ITGB6: variants seen among roughly 807,000 people sequenced by gnomAD.
The protein encoded by ITGB6 is integrin subunit beta 6.
Under a neutral mutation model 84.5 loss-of-function variants are expected in ITGB6, and 80 were observed. The observed-to-expected ratio is 0.95, with a 90% CI of 0.79 to 1.14. ITGB6 has a LOEUF of 1.14. Ranked by LOEUF, ITGB6 falls within the 50% of genes most tolerant of loss-of-function variation. The pLI is 0.00. For synonymous variants in ITGB6, 383 were observed against 354.9 expected, an observed-to-expected ratio of 1.08 and a Z score of -0.89; for missense variants, 1,006 against 968.0, an observed-to-expected ratio of 1.04 and a Z score of -0.52.
chr2:160,142,861 A>ATGTT (rs1194296586), intron 7 of ITGB6, among the ~76,000 whole-genome samples: 1 of 152,186 alleles, frequency 6.6e-6, no homozygotes, highest in African/African-American at 2.4e-5. Context: ...CTGGAGTTTT[A>ATGTT]TGTTTTAAAT....
In ITGB6 at chr2:160,195,501, T is replaced by G. The variant is rs1020941015; in HGVS notation, c.461A>C (p.Glu154Ala). 103 of 1,614,042 alleles carry G rather than the reference T, an allele frequency of 6.4e-5. No homozygotes were observed. Among genetic ancestry groups the G allele is most frequent in the Non-Finnish European group, 8.4e-5 (99 of 1,180,004 alleles). The change falls in exon 4 of 15, where the codon GAG becomes GCG. Residue 154 changes from glutamate to alanine, a missense_variant. Physicochemically the swap from Glu to Ala is moderately radical, Grantham distance 107. Transcript: ENST00000283249. ...SMDDDLNTIK[E>A]LGSRLSKEMS... ...CTCTTTGGAAAGCCGGGAGCCCAGC[T>G]CCTTTATTGTGTTGAGGTCGTCATC...
chr2:160,156,075 C>T (rs1684611751), intron 7 of ITGB6, among the ~76,000 whole-genome samples: 7 of 152,206 alleles, frequency 4.6e-5, no homozygotes. Context: ...GAATGTATGA[C>T]TATTCCAAGA....
chr2:160,107,625 T>C (rs1696959452), intron 14 of ITGB6, 54 bp downstream of exon 14: 1 of 1,552,004 alleles, frequency 6.4e-7, no homozygotes, highest in African/African-American at 1.4e-5. Context: ...CCTCAATCTC[T>C]TCCACCAGCC....
At chr2:160,136,672 T>A (rs374653428) in intron 10 of ITGB6, among the ~76,000 whole-genome samples, 1 of 152,104 alleles carries the variant, frequency 6.6e-6, no homozygotes, top group Non-Finnish European at 1.5e-5. Context: ...CAATGATAGA[T>A]TGGATTAAGA....
intron 6 of ITGB6, 54 bp from the exon 7 acceptor site, chr2:160,169,361 G>A: frequency 9.7e-7 from 1 of 1,032,046 alleles, no homozygotes; most frequent in Non-Finnish European, 1.5e-6. Context: ...TGTAAATAAA[G>A]AAAGGAATAT....
intron 12 of ITGB6, among the ~76,000 whole-genome samples, chr2:160,113,642 T>C (rs1336369523): frequency 6.6e-6 from 1 of 152,250 alleles, no homozygotes; most frequent in Admixed American, 6.5e-5. Flanking sequence ...ATGTAGATTC[T>C]GGGGACCCAC....
At position 160,119,919 on chromosome 2, in the gene ITGB6, C is replaced by G. The variant is rs866914255; in HGVS notation, c.1981+3872G>C. On this transcript the variant is annotated intron_variant, in intron 12 of 14. Transcript: ENST00000283249. ...CAGCCAAAAGACACATGAAAAAATG[C>G]TCATCATCACGGGCCATCAGAGAAA... is the stretch of plus-strand genomic sequence containing the variant. 2.7e-3 allele frequency among the ~76,000 whole-genome samples: 406 copies of G among 152,248 alleles called. 2 individuals carry two copies. Among genetic ancestry groups the G allele is most frequent in the Non-Finnish European group, 3.9e-3 (268 of 68,024 alleles).
chr2:160,149,953 T>A (rs576144751), intron 7 of ITGB6, among the ~76,000 whole-genome samples: 30 of 151,904 alleles, frequency 2.0e-4, no homozygotes, highest in African/African-American at 7.0e-4. Context: ...AATAGGGAAG[T>A]ATGTGAAAAG....
intron 4 of ITGB6, among the ~76,000 whole-genome samples, chr2:160,186,371 A>G (rs1044594074): frequency 5.3e-5 from 8 of 152,234 alleles, no homozygotes; most frequent in African/African-American, 9.6e-5. Flanking sequence ...AAAAAAGCTC[A>G]TCATCACTGG....
chr2:160,147,961 T>C (rs1244613050), intron 7 of ITGB6, among the ~76,000 whole-genome samples: 2 of 152,116 alleles, frequency 1.3e-5, no homozygotes, highest in Admixed American at 6.5e-5. Context: ...AAAGAAAAAA[T>C]TGGTAAGCTG....
intron 8 of ITGB6, among the ~76,000 whole-genome samples, chr2:160,139,508 C>T (rs1309091949): frequency 2.0e-5 from 3 of 151,996 alleles, no homozygotes; most frequent in Non-Finnish European, 2.9e-5. Flanking sequence ...AAAATAGAAG[C>T]AATGTTGGAG....
chr2:160,196,108 A>G, intron 3 of ITGB6, 108 bp downstream of exon 3: 1 of 932,882 alleles, frequency 1.1e-6, no homozygotes, highest in Non-Finnish European at 1.7e-6. Flanking sequence ...GGGAAATTCG[A>G]GTCATAATAA....
At chr2:160,164,650 C>G (rs1684937902) in intron 7 of ITGB6, among the ~76,000 whole-genome samples, 1 of 151,954 alleles carries the variant, frequency 6.6e-6, no homozygotes, top group Admixed American at 6.6e-5. Flanking sequence ...GAGCTGAGAT[C>G]ATGCCACTGC....
intron 13 of ITGB6, among the ~76,000 whole-genome samples, chr2:160,111,215 T>C (rs1351582691): frequency 6.6e-6 from 1 of 152,200 alleles, no homozygotes; most frequent in Non-Finnish European, 1.5e-5. Flanking sequence ...GTTTTTGTTT[T>C]TGAAACTCGT....
At chr2:160,188,742 T>G (rs1386666308) in intron 4 of ITGB6, among the ~76,000 whole-genome samples, 1 of 152,062 alleles carries the variant, frequency 6.6e-6, no homozygotes, top group Non-Finnish European at 1.5e-5. Flanking sequence ...TAGCTGGGAT[T>G]ACAGGCATGT....
Position 160,195,551 on chromosome 2 carries a change from G to GTAA in ITGB6, c.408_410dup (p.Tyr137dup), listed in dbSNP as rs1686301029. The GTAA allele has an allele frequency of 6.2e-7, 1 of 1,614,140 alleles. No individual in the cohort carries two copies. Among genetic ancestry groups the GTAA allele is most frequent in the Non-Finnish European group, 8.5e-7 (1 of 1,179,992 alleles). On this transcript the variant is annotated inframe_insertion, in exon 4 of 15. Coordinates refer to ENST00000283249, the MANE Select transcript of ITGB6 (RefSeq NM_000888.5). ...CCATGGAGGCGGAGAGGTCCATGAG[G>GTAA]TAATACAAATCCACCGGGTAGTCCT...
rs1360575671 is a variant in ITGB6, at chr2:160,138,216, A to G, written c.1108-17T>C. The G allele has an allele frequency of 5.0e-6, 8 of 1,587,580 alleles. No homozygotes were observed. The South Asian group carries it at 8.2e-5, about 16-fold the overall frequency. ...CCGCAGTTCCTTTAGTTACAACATA[A>G]AGAGTTCAGTGAAGTCACAACCCCA... is the stretch of plus-strand genomic sequence containing the variant. On this transcript the variant is annotated splice_polypyrimidine_tract_variant and intron_variant, in intron 8 of 14. Coordinates refer to ENST00000283249, the MANE Select transcript of ITGB6 (RefSeq NM_000888.5).
intron 7 of ITGB6, among the ~76,000 whole-genome samples, chr2:160,142,980 A>G (rs1460837936): frequency 1.8e-4 from 27 of 152,234 alleles, no homozygotes; most frequent in Non-Finnish European, 1.2e-4. Flanking sequence ...GAATAGAGTT[A>G]TACTTATCAA....
chr2:160,137,627 G>A lies in ITGB6; in HGVS notation c.1467C>T (p.Arg489=), dbSNP rs779698212. The A allele has an allele frequency of 5.6e-6, 9 of 1,614,192 alleles. No individual in the cohort carries two copies. Among genetic ancestry groups the A allele is most frequent in the African/African-American group, 1.3e-5 (1 of 75,050 alleles). The part of the protein sequence containing the change: ...CACHPGHMGP[R]CECGEDMLST... ...TCAGCATGTCCTCGCCACACTCACAGCGAGGCCCCATGTGGCCAGGGTGGC... is the reference window on the plus strand; with the variant it reads ...TCAGCATGTCCTCGCCACACTCACAACGAGGCCCCATGTGGCCAGGGTGGC... The change falls in exon 10 of 15, where the codon CGC becomes CGT. Residue 489 remains arginine (R), a synonymous_variant. Coordinates refer to ENST00000283249, the MANE Select transcript of ITGB6 (RefSeq NM_000888.5).
Sources: allele counts gnomAD v4.1 joint callset (sites outside exome capture counted in the v4.1 genomes callset), GRCh38; gene constraint gnomAD v4.1.1; transcripts MANE v1.5; gene names NCBI Gene and HGNC (gene_info 2026-07-23, HGNC 2026-07-21).